ETV6: variants seen among roughly 807,000 people sequenced by gnomAD.
ETV6 encodes the protein ETS variant transcription factor 6, also known as transcription factor ETV6.
ETV6 carries 16 observed loss-of-function variants against 51.1 expected under a neutral mutation model. The ratio of observed to expected loss-of-function variants is 0.31; its 90% CI spans 0.21 to 0.48. The LOEUF (loss-of-function observed/expected upper bound fraction) is 0.48. Ranked by LOEUF, ETV6 falls within the 20% of genes least tolerant of loss-of-function variation. The pLI is 0.99. For missense variants in ETV6, 458 were observed against 594.8 expected, an observed-to-expected ratio of 0.77 and a Z score of 2.39; for synonymous variants, 240 against 224.1, an observed-to-expected ratio of 1.07 and a Z score of -0.64.
chr12:11,702,678 C>T (rs1413689241), intron 1 of ETV6, among the ~76,000 whole-genome samples: 1 of 152,112 alleles, frequency 6.6e-6, no homozygotes, highest in Non-Finnish European at 1.5e-5. Flanking sequence ...CAGAACCTAC[C>T]TAGTGGTCCA....
intron 1 of ETV6, among the ~76,000 whole-genome samples, chr12:11,708,503 C>T (rs538839780): frequency 2.0e-4 from 31 of 152,290 alleles, no homozygotes; most frequent in African/African-American, 6.7e-4. Flanking sequence ...CCACTGGTTT[C>T]TTGCAGTCTG....
intron 2 of ETV6, among the ~76,000 whole-genome samples, chr12:11,787,468 G>A (rs1445489925): frequency 6.6e-6 from 1 of 152,106 alleles, no homozygotes; most frequent in African/African-American, 2.4e-5. Flanking sequence ...AAGTGATGTC[G>A]ATTGTGTGTT....
At chr12:11,694,884 T>C (rs1238893845) in intron 1 of ETV6, among the ~76,000 whole-genome samples, 2 of 152,216 alleles carry the variant, frequency 1.3e-5, no homozygotes, top group Non-Finnish European at 2.9e-5. Flanking sequence ...ACATGTCTTA[T>C]GTATCAGTTT....
rs113249173 is a variant in ETV6 at position 11,789,518 on chromosome 12, C to T, written c.163+36939C>T. Among the ~76,000 whole-genome samples the T allele has an allele frequency of 1.1e-4, 16 of 152,228 alleles. No individual in the cohort carries two copies. In the East Asian group the frequency reaches 1.9e-3, roughly 18 times the overall value. On this transcript the variant is annotated intron_variant, in intron 2 of 7. Coordinates refer to ENST00000396373, the MANE Select transcript of ETV6 (RefSeq NM_001987.5). Reference sequence around the variant, plus strand: ...ACCTTTGTTCACTTTTTCTCTCCTTCGGGTGTGAGTCCCTTTCCTGAATTC... The same window carrying T: ...ACCTTTGTTCACTTTTTCTCTCCTTTGGGTGTGAGTCCCTTTCCTGAATTC...
intron 2 of ETV6, among the ~76,000 whole-genome samples, chr12:11,826,251 G>A (rs1030955118): frequency 6.6e-6 from 1 of 152,060 alleles, no homozygotes; most frequent in African/African-American, 2.4e-5. Flanking sequence ...GCACTTGGTG[G>A]ATTAGCATTA....
chr12:11,720,547 CCCTTA>C (rs1483523116), intron 1 of ETV6, among the ~76,000 whole-genome samples: 1 of 152,160 alleles, frequency 6.6e-6, no homozygotes, highest in Non-Finnish European at 1.5e-5. Flanking sequence ...TGAAACTGAA[CCCTTA>C]CCTTTCACCA....
chr12:11,783,490 GAGAGAAA>G (rs1425898092), intron 2 of ETV6, among the ~76,000 whole-genome samples: 1 of 152,152 alleles, frequency 6.6e-6, no homozygotes, highest in African/African-American at 2.4e-5. Context: ...GATTGGAATC[GAGAGAAA>G]AGATAGGATC....
chr12:11,701,238 T>C (rs1304985325), intron 1 of ETV6, among the ~76,000 whole-genome samples: 1 of 152,144 alleles, frequency 6.6e-6, no homozygotes, highest in East Asian at 1.9e-4. Flanking sequence ...TCCAGAACTT[T>C]TACATCGTCC....
chr12:11,823,684 T>C (rs531506290), intron 2 of ETV6, among the ~76,000 whole-genome samples: 206 of 152,264 alleles, frequency 1.4e-3, no homozygotes, highest in African/African-American at 4.7e-3. Flanking sequence ...GCCAGGCTGG[T>C]CTCAGACCCC....
chr12:11,806,525 A>G (rs1451984547), intron 2 of ETV6, among the ~76,000 whole-genome samples: 1 of 152,236 alleles, frequency 6.6e-6, no homozygotes, highest in African/African-American at 2.4e-5. Flanking sequence ...CACCTTTGTT[A>G]GTTACACATG....
intron 3 of ETV6, among the ~76,000 whole-genome samples, chr12:11,845,906 C>T (rs1007928699): frequency 2.0e-5 from 3 of 151,662 alleles, no homozygotes; most frequent in African/African-American, 4.8e-5. Flanking sequence ...GCAGGAGAAT[C>T]GCTTGAACCC....
At chr12:11,835,007 A>G (rs546170835) in intron 2 of ETV6, among the ~76,000 whole-genome samples, 6 of 152,334 alleles carry the variant, frequency 3.9e-5, no homozygotes, top group African/African-American at 1.4e-4. Flanking sequence ...CATTAGTTTA[A>G]GAACATCTCA....
At chr12:11,676,429 C>T (rs1223665209) in intron 1 of ETV6, among the ~76,000 whole-genome samples, 2 of 152,204 alleles carry the variant, frequency 1.3e-5, no homozygotes, top group Non-Finnish European at 2.9e-5. Context: ...CTGCAAGGCC[C>T]TGCGTGATCT....
At chr12:11,797,088 C>T (rs574442362) in intron 2 of ETV6, among the ~76,000 whole-genome samples, 7 of 152,258 alleles carry the variant, frequency 4.6e-5, no homozygotes, top group Admixed American at 4.6e-4. Context: ...GATTCTTTTT[C>T]TCCTCTAAAG....
At chr12:11,710,164 T>G (rs1232340165) in intron 1 of ETV6, among the ~76,000 whole-genome samples, 2 of 152,116 alleles carry the variant, frequency 1.3e-5, no homozygotes, top group East Asian at 1.9e-4. Context: ...CAAGGCCAGC[T>G]TTTTTTGGAG....
At chr12:11,807,917 T>C (rs1396999808) in intron 2 of ETV6, among the ~76,000 whole-genome samples, 1 of 152,230 alleles carries the variant, frequency 6.6e-6, no homozygotes, top group Non-Finnish European at 1.5e-5. Context: ...CCTATGTTTT[T>C]TGCATTTAGC....
chr12:11,680,008 C>T (rs1220472925), intron 1 of ETV6, among the ~76,000 whole-genome samples: 3 of 152,220 alleles, frequency 2.0e-5, no homozygotes, highest in East Asian at 1.9e-4. Context: ...TTGGATAAGA[C>T]TCTTACCATT....
chr12:11,683,033 A>G (rs2120752934), intron 1 of ETV6, among the ~76,000 whole-genome samples: 1 of 152,368 alleles, frequency 6.6e-6, no homozygotes, highest in South Asian at 2.1e-4. Flanking sequence ...CTCCTTGAGT[A>G]GATTCAATAA....
rs372541278 is a variant in ETV6 at position 11,650,154 on chromosome 12, C to A, written c.27C>A (p.Ser9Arg). 1.9e-6 allele frequency: 3 copies of A among 1,613,348 alleles called. No individual in the cohort carries two copies. In the African/African-American group the frequency reaches 4.0e-5, roughly 22 times the overall value. The part of the protein sequence containing the change: MSETPAQC[S>R]IKQERISYTP... Reference sequence around the variant, plus strand: ...TGTCTGAGACTCCTGCTCAGTGTAGCATTAAGGTAAAAATCTTCTCCCCTC... The same window carrying A: ...TGTCTGAGACTCCTGCTCAGTGTAGAATTAAGGTAAAAATCTTCTCCCCTC... Residue 9 changes from serine to arginine, a missense_variant, in exon 1 of 8, where the codon AGC becomes AGA. Ser to Arg is a moderately radical substitution (Grantham distance 110, BLOSUM62 -1). Coordinates refer to ENST00000396373, the MANE Select transcript of ETV6 (RefSeq NM_001987.5).
Sources: gnomAD v4.1 joint callset for allele counts (sites outside exome capture counted in the v4.1 genomes callset) on GRCh38, gnomAD v4.1.1 for gene constraint, MANE v1.5 for transcripts, NCBI Gene and HGNC (gene_info 2026-07-23, HGNC 2026-07-21) for gene names.